Variants in M1AP observed in about 807,000 individuals in gnomAD.
M1AP encodes meiosis 1 arrest protein.
A neutral mutation model predicts 51.2 loss-of-function variants in M1AP; 39 were observed. That is an observed-to-expected ratio of 0.76 (90% CI 0.59 to 1.00). The LOEUF is 1.00. Among genes scored for constraint, M1AP ranks in the 50% least tolerant of loss-of-function variants. The pLI is 0.00. For missense variants in M1AP, 545 were observed against 641.2 expected (o/e 0.85, Z 1.62); for synonymous variants, 251 against 249.2 (o/e 1.01, Z -0.07).
intron 2 of M1AP, among the ~76,000 whole-genome samples, chr2:74,636,589 T>C (rs1683002034): frequency 6.6e-6 from 1 of 152,164 alleles, no homozygotes; most frequent in South Asian, 2.1e-4. Flanking sequence ...TATTTTGACT[T>C]ATCCATGGTG....
chr2:74,647,148 T>G (rs1281164158), intron 1 of M1AP: 39 of 917,548 alleles, frequency 4.3e-5, no homozygotes, highest in Non-Finnish European at 5.1e-5. Flanking sequence ...CTCCAAGGAC[T>G]TCCAATTACA....
chr2:74,615,025 T>C lies in M1AP; in HGVS notation c.365A>G (p.Gln122Arg). Residue 122 changes from glutamine (Q) to arginine (R), a missense_variant, in exon 3 of 11, where the codon CAA becomes CGA. By Grantham distance (43) the Gln-to-Arg change is conservative. Transcript: ENST00000421985. ...CACATGTCTGCTGTATTGTTTGAAT[T>C]GCTGGAGCCCATCCTCTACTGCCAG... ...LRLAVEDGLQ[Q>R]FKQYSRHVTT... 1.9e-6 allele frequency: 3 copies of C among 1,614,192 alleles called. No individual in the cohort carries two copies. Among genetic ancestry groups the C allele is most frequent in the Non-Finnish European group, 2.5e-6 (3 of 1,180,030 alleles).
chr2:74,581,281 G>A (rs530341267), intron 5 of M1AP, among the ~76,000 whole-genome samples: 5 of 152,122 alleles, frequency 3.3e-5, no homozygotes, highest in South Asian at 2.1e-4. Flanking sequence ...TCTTCCTCTC[G>A]CCACAGGCTG....
intron 5 of M1AP, chr2:74,576,965 CTCTGTGG>C: frequency 9.6e-7 from 1 of 1,046,528 alleles, no homozygotes; most frequent in Non-Finnish European, 1.2e-6. Context: ...AACATGTATC[CTCTGTGG>C]AGGAGGTAGC....
At chr2:74,567,506 G>T (rs1678465842) in intron 7 of M1AP, among the ~76,000 whole-genome samples, 1 of 152,312 alleles carries the variant, frequency 6.6e-6, no homozygotes, top group African/African-American at 2.4e-5. Context: ...TTTACTCTCT[G>T]GGCCTCAAAT....
chr2:74,639,024 T>C (rs987589896), intron 2 of M1AP, among the ~76,000 whole-genome samples: 1 of 152,202 alleles, frequency 6.6e-6, no homozygotes, highest in Non-Finnish European at 1.5e-5. Context: ...TACTTAGCAC[T>C]GGAGCATTTA....
chr2:74,572,953 A>G (rs1678834886), intron 7 of M1AP, among the ~76,000 whole-genome samples: 1 of 152,212 alleles, frequency 6.6e-6, no homozygotes, highest in African/African-American at 2.4e-5. Context: ...AGATAGATAA[A>G]TACAGATCCT....
At chr2:74,645,161 C>T (rs1025395508) in intron 1 of M1AP, among the ~76,000 whole-genome samples, 4 of 152,118 alleles carry the variant, frequency 2.6e-5, no homozygotes, top group Admixed American at 2.6e-4. Flanking sequence ...AAACTCCACA[C>T]ACGCCGCCTT....
At chr2:74,632,546 A>T (rs890778108) in intron 2 of M1AP, among the ~76,000 whole-genome samples, 1 of 152,130 alleles carries the variant, frequency 6.6e-6, no homozygotes, top group African/African-American at 2.4e-5. Flanking sequence ...CCCAGGGTGC[A>T]TAAAATTGCT....
chr2:74,593,814 C>G (rs1680178462), intron 4 of M1AP, among the ~76,000 whole-genome samples: 1 of 152,154 alleles, frequency 6.6e-6, no homozygotes, highest in Non-Finnish European at 1.5e-5. Context: ...TTTGCACTTT[C>G]TAAGAGTGGC....
intron 1 of M1AP, 54 bp downstream of exon 1, chr2:74,648,211 T>G: frequency 1.0e-6 from 1 of 957,494 alleles, no homozygotes; most frequent in Non-Finnish European, 1.2e-6. Context: ...GCCTGCGAAG[T>G]GGTGCCGGCT....
At chr2:74,624,787 C>G (rs1682275600) in intron 2 of M1AP, among the ~76,000 whole-genome samples, 1 of 152,142 alleles carries the variant, frequency 6.6e-6, no homozygotes, top group South Asian at 2.1e-4. Flanking sequence ...GCAATCATTT[C>G]ACATCATTAT....
At chr2:74,608,181 T>C (rs1006090977) in intron 3 of M1AP, among the ~76,000 whole-genome samples, 17 of 152,210 alleles carry the variant, frequency 1.1e-4, no homozygotes, top group Non-Finnish European at 2.4e-4. Flanking sequence ...CCCATCAGTA[T>C]AATAAATATC....
chr2:74,611,144 T>G (rs1388503962), intron 3 of M1AP, among the ~76,000 whole-genome samples: 1 of 152,224 alleles, frequency 6.6e-6, no homozygotes, highest in Non-Finnish European at 1.5e-5. Flanking sequence ...TTCTTTTTTA[T>G]TGTTGTGCCC....
chr2:74,560,047 G>T, intron 9 of M1AP, 104 bp downstream of exon 9: 2 of 1,290,934 alleles, frequency 1.5e-6, no homozygotes, highest in Non-Finnish European at 2.1e-6. Flanking sequence ...CTACTCCCTT[G>T]GATGGGGGCG....
At chr2:74,575,913 G>C (rs947462688) in intron 6 of M1AP, among the ~76,000 whole-genome samples, 1 of 152,150 alleles carries the variant, frequency 6.6e-6, no homozygotes, top group Non-Finnish European at 1.5e-5. Context: ...GGAGTGCAGT[G>C]GTTCAATTAA....
chr2:74,618,640 T>C (rs2104753151), intron 2 of M1AP, among the ~76,000 whole-genome samples: 1 of 152,322 alleles, frequency 6.6e-6, no homozygotes, highest in East Asian at 1.9e-4. Flanking sequence ...TTAACTGCAA[T>C]TAACAGCTGG....
intron 2 of M1AP, 138 bp downstream of exon 2, chr2:74,639,895 CATG>C (rs1683192173): frequency 1.9e-5 from 14 of 730,132 alleles, no homozygotes; most frequent in Non-Finnish European, 2.9e-5. Context: ...CTCTGGCTCT[CATG>C]GTGTTACTCG....
In M1AP at chr2:74,608,979, T is replaced by G. The variant is rs978422210; in HGVS notation, c.427-1756A>C. Among the ~76,000 whole-genome samples, 5 of 152,220 alleles carry G rather than the reference T, an allele frequency of 3.3e-5. No homozygotes were observed. The South Asian group carries it at 1.0e-3, about 32-fold the overall frequency. ...TAATTGTACACATTTACGGGTACAG[T>G]GTGATGTTTTGATACATTTATACAT... On this transcript the variant is annotated intron_variant, in intron 3 of 10. Coordinates refer to ENST00000421985, the MANE Select transcript of M1AP (RefSeq NM_001321739.2).
Sources: allele counts gnomAD v4.1 joint callset (sites outside exome capture counted in the v4.1 genomes callset), GRCh38; gene constraint gnomAD v4.1.1; transcripts MANE v1.5; gene names NCBI Gene and HGNC (gene_info 2026-07-23, HGNC 2026-07-21).